Variants in DCAF1 observed in about 807,000 individuals in gnomAD.
DCAF1 encodes DDB1- and CUL4-associated factor 1.
A neutral mutation model predicts 128.0 loss-of-function variants in DCAF1; 15 were observed. The ratio of observed to expected loss-of-function variants is 0.12; its 90% CI spans 0.08 to 0.18. DCAF1 has a LOEUF of 0.18. Among genes scored for constraint, DCAF1 ranks in the 10% least tolerant of loss-of-function variants. DCAF1 has a pLI of 1.00. For missense variants in DCAF1, 988 were observed against 1,649.5 expected (o/e 0.60, Z 6.95); for synonymous variants, 610 against 603.0 (o/e 1.01, Z -0.17).
chr3:51,493,037 TA>T (rs1707838324), intron 2 of DCAF1, among the ~76,000 whole-genome samples: 1 of 151,224 alleles, frequency 6.6e-6, no homozygotes, highest in South Asian at 2.1e-4. Flanking sequence ...AAGGGTATAG[TA>T]GTTATAAAAA....
intron 23 of DCAF1, among the ~76,000 whole-genome samples, chr3:51,404,003 G>C (rs149592698): frequency 2.4e-4 from 36 of 152,306 alleles, no homozygotes; most frequent in Admixed American, 4.6e-4. Context: ...AAGTATGCTG[G>C]AGAAACTATC....
downstream of DCAF1, chr3:51,396,382 C>T (rs925336623): frequency 6.0e-6 from 1 of 167,794 alleles, no homozygotes; most frequent in Non-Finnish European, 1.5e-5. Context: ...CAACCACTTC[C>T]TTCCTTTGGC....
chr3:51,477,626 G>C (rs1705639936), intron 3 of DCAF1, among the ~76,000 whole-genome samples: 1 of 151,964 alleles, frequency 6.6e-6, no homozygotes, highest in East Asian at 1.9e-4. Context: ...AACAACACCG[G>C]AATTGGAGTC....
At chr3:51,495,610 C>T (rs922876087) in intron 2 of DCAF1, among the ~76,000 whole-genome samples, 1 of 150,412 alleles carries the variant, frequency 6.6e-6, no homozygotes, top group African/African-American at 2.5e-5. Context: ...AAGCAGTCAG[C>T]AACTGAGTGT....
At chr3:51,475,907 A>C (rs992716309) in intron 3 of DCAF1, among the ~76,000 whole-genome samples, 2 of 151,862 alleles carry the variant, frequency 1.3e-5, no homozygotes, top group Non-Finnish European at 2.9e-5. Context: ...TCAGGGTTCA[A>C]ATCTGAGCTC....
intron 2 of DCAF1, among the ~76,000 whole-genome samples, chr3:51,489,019 G>T (rs1178558806): frequency 1.3e-5 from 2 of 152,196 alleles, no homozygotes; most frequent in East Asian, 1.9e-4. Flanking sequence ...AGACCTTCTA[G>T]AACATGATAA....
At position 51,483,160 on chromosome 3, in the gene DCAF1, G is replaced by A. The variant is rs563718432; in HGVS notation, c.110+559C>T. ...GTATGAAAAAAAAAAAAAAAGCCAG[G>A]CTCAGTGGCTCACGCCTGTAATCCT... On this transcript the variant is annotated intron_variant, in intron 3 of 24. Coordinates refer to ENST00000684031, the MANE Select transcript of DCAF1 (RefSeq NM_001387579.1). Among the ~76,000 whole-genome samples, 17 of 141,254 alleles carry A rather than the reference G, an allele frequency of 1.2e-4. No individual in the cohort carries two copies. In the South Asian group the frequency reaches 3.8e-3, roughly 31 times the overall value. 92.7% of individuals were successfully genotyped at this position (141,254 alleles called of 152,430 possible).
At chr3:51,403,727 A>C (rs1484976187) in intron 23 of DCAF1, among the ~76,000 whole-genome samples, 1 of 152,182 alleles carries the variant, frequency 6.6e-6, no homozygotes, top group Non-Finnish European at 1.5e-5. Context: ...GCATCAACCA[A>C]AGCAAGTGAA....
At position 51,441,368 on chromosome 3, in the gene DCAF1, C is replaced by T. The variant is rs1242846858; in HGVS notation, c.1026+17G>A. 2.5e-6 allele frequency: 4 copies of T among 1,606,064 alleles called. No homozygotes were observed. The highest frequency in any genetic ancestry group is 3.4e-6 in the Non-Finnish European group (4 of 1,175,932). ...ATAATTCCTATGTGTGAACAGTACT[C>T]TTCCCAATAAGCTTACCTCCTGATA... On this transcript the variant is annotated intron_variant, in intron 8 of 24. Transcript: ENST00000684031.
intron 12 of DCAF1, among the ~76,000 whole-genome samples, chr3:51,428,252 T>C (rs575372213): frequency 2.3e-4 from 35 of 151,118 alleles, no homozygotes; most frequent in Middle Eastern, 3.4e-3. Context: ...CCCGATCACG[T>C]GCGGCCTCAA....
intron 4 of DCAF1, among the ~76,000 whole-genome samples, chr3:51,467,777 A>G (rs1388764239): frequency 6.6e-6 from 1 of 152,212 alleles, no homozygotes. Flanking sequence ...ACAAATGAGC[A>G]CTAGATCCAG....
chr3:51,486,001 C>T (rs1706909497), intron 2 of DCAF1, among the ~76,000 whole-genome samples: 1 of 150,884 alleles, frequency 6.6e-6, no homozygotes, highest in African/African-American at 2.4e-5. Flanking sequence ...AAGCGATTTT[C>T]CTGCCTCAGC....
chr3:51,484,684 T>C (rs1401877253), intron 2 of DCAF1, among the ~76,000 whole-genome samples: 1 of 133,848 alleles, frequency 7.5e-6, no homozygotes, highest in Non-Finnish European at 1.5e-5. Context: ...AATTTTTTCT[T>C]TTTTTTTTTT....
At position 51,420,795 on chromosome 3, in the gene DCAF1, C is replaced by T. The variant is rs782335411; in HGVS notation, c.2175G>A (p.Met725Ile). The change falls in exon 15 of 25, where the codon ATG becomes ATA. Residue 725 changes from methionine to isoleucine, a missense_variant. By Grantham distance (10) the Met-to-Ile change is conservative (BLOSUM62 1). This residue lies in a region of DCAF1 where 185 missense variants were observed against 248.1 expected (regional missense o/e 0.75). Transcript: ENST00000684031. This position sits in a 1 kb window ranked among gnomAD's most constrained non-coding sequence, Gnocchi z 6.5. ...CGTTGTTGGACTGAACCACATTCCACATCTTGGCCAGGGTGTGCTCACTGC... is the reference window on the plus strand; with the variant it reads ...CGTTGTTGGACTGAACCACATTCCATATCTTGGCCAGGGTGTGCTCACTGC... ...PKSSEHTLAK[M>I]WNVVQSNNGI... 1.4e-5 allele frequency: 22 copies of T among 1,613,944 alleles called. No individual in the cohort carries two copies. The Admixed American group carries it at 2.3e-4, about 17-fold the overall frequency.
Position 51,420,384 on chromosome 3 carries a change from C to A in DCAF1, c.2586G>T (p.Gly862=). 1 of 1,614,044 alleles carries A rather than the reference C, an allele frequency of 6.2e-7. No individual in the cohort carries two copies. Among genetic ancestry groups the A allele is most frequent in the Non-Finnish European group, 8.5e-7 (1 of 1,179,908 alleles). ...LLIRNHLISK[G]LGETATVLTK... ...TCAGCACGGTTGCTGTTTCTCCAAG[C>A]CCTTTAGAAATAAGATGGTTTCGTA... The change falls in exon 15 of 25, where the codon GGG becomes GGT. Residue 862 remains glycine (G), a synonymous_variant. Coordinates refer to ENST00000684031, the MANE Select transcript of DCAF1 (RefSeq NM_001387579.1). This position sits in a 1 kb window ranked among gnomAD's most constrained non-coding sequence, Gnocchi z 6.5.
rs540396047 is a variant in DCAF1 at position 51,402,566 on chromosome 3, A to AT, written c.4465+576dup. On this transcript the variant is annotated intron_variant, in intron 24 of 24. Transcript: ENST00000684031. ...ACAAAGGCCATATACCCTACAAAGC[A>AT]TTTTTTTTTTTTTTTTTTTTTTTTT... is the stretch of plus-strand genomic sequence containing the variant. Among the ~76,000 whole-genome samples, 758 of 84,914 alleles carry AT rather than the reference A, an allele frequency of 8.9e-3. 175 individuals carry two copies. The highest frequency in any genetic ancestry group is 0.032 in the African/African-American group (642 of 19,954). 55.7% of individuals were successfully genotyped at this position (84,914 alleles called of 152,430 possible). A position where few individuals can be genotyped will look rare whatever the true frequency, so the allele number is the denominator to read the frequency against.
intron 6 of DCAF1, among the ~76,000 whole-genome samples, chr3:51,453,569 C>T (rs548889778): frequency 9.2e-5 from 14 of 151,998 alleles, no homozygotes; most frequent in African/African-American, 3.4e-4. Flanking sequence ...GAGGTCAAGG[C>T]TGCAGTGAGC....
rs368490234 is a variant in DCAF1, at chr3:51,441,593, C to T, written c.818G>A (p.Gly273Asp). ...GGCTTTCCTAAAGTTCTCTCTGTCACCCTGTTTTGCTGACTTGTTTTTCTT... is the reference window on the plus strand; with the variant it reads ...GGCTTTCCTAAAGTTCTCTCTGTCATCCTGTTTTGCTGACTTGTTTTTCTT... ...GLKKNKSAKQ[G>D]DRENFRKAKQ... is the part of the protein sequence containing the mutation. The change falls in exon 8 of 25, where the codon GGT (glycine) becomes GAT (aspartate). Residue 273 changes from glycine (G) to aspartate (D), a missense_variant. This residue lies in a region of DCAF1 where 210 missense variants were observed against 260.2 expected (regional missense o/e 0.81). Coordinates refer to ENST00000684031, the MANE Select transcript of DCAF1 (RefSeq NM_001387579.1). 1.3e-5 allele frequency: 21 copies of T among 1,613,838 alleles called. No homozygotes were observed. In the African/African-American group the frequency reaches 2.0e-4, roughly 15 times the overall value.
intron 3 of DCAF1, among the ~76,000 whole-genome samples, chr3:51,475,200 T>C (rs1705283754): frequency 6.6e-6 from 1 of 151,352 alleles, no homozygotes; most frequent in Middle Eastern, 3.2e-3. Flanking sequence ...AAAATATACT[T>C]AGAATTATAT....
Sources: allele counts gnomAD v4.1 joint callset (sites outside exome capture counted in the v4.1 genomes callset), GRCh38; gene constraint gnomAD v4.1.1; regional missense constraint gnomAD v4.1.1; non-coding constraint Gnocchi (gnomAD v3.1); transcripts MANE v1.5; gene names NCBI Gene and HGNC (gene_info 2026-07-23, HGNC 2026-07-21).